The following CTBP2 variants were observed in gnomAD, a reference collection of about 807,000 sequenced individuals.
CTBP2 encodes the protein C-terminal-binding protein 2.
Under a neutral mutation model 80.3 loss-of-function variants are expected in CTBP2, and 30 were observed. That is an observed-to-expected ratio of 0.37 (90% CI 0.28 to 0.51). The LOEUF is 0.51. Among genes scored for constraint, CTBP2 ranks in the 20% least tolerant of loss-of-function variants. CTBP2 has a pLI of 0.93. For missense variants in CTBP2, 1,212 were observed against 1,375.3 expected (o/e 0.88, Z 1.88); for synonymous variants, 594 against 587.4 (o/e 1.01, Z -0.16).
At chr10:125,152,172 G>C (rs1487118787) in intron 1 of CTBP2, among the ~76,000 whole-genome samples, 1 of 152,092 alleles carries the variant, frequency 6.6e-6, no homozygotes, top group Non-Finnish European at 1.5e-5. Flanking sequence ...GCCGGGAGGA[G>C]AGGGGCGAAC....
At chr10:125,029,584 G>A (rs962916249), upstream of CTBP2, among the ~76,000 whole-genome samples, 2 of 152,118 alleles carry the variant, frequency 1.3e-5, no homozygotes, top group African/African-American at 4.8e-5. Flanking sequence ...AAGCCACCTT[G>A]CCAATTTCTT....
chr10:125,057,962 CG>C (rs61652925), intron 2 of CTBP2, among the ~76,000 whole-genome samples: 6,414 of 152,238 alleles, frequency 0.042, 236 homozygotes, highest in African/African-American at 0.099. Flanking sequence ...GGCTCAGGGC[CG>C]TGGCAGGAAT....
At chr10:125,006,565 G>A (rs1955268194) in intron 1 of CTBP2, among the ~76,000 whole-genome samples, 1 of 152,244 alleles carries the variant, frequency 6.6e-6, no homozygotes, top group Non-Finnish European at 1.5e-5. Flanking sequence ...GGAGCCTGGG[G>A]CAGAGGTTTC....
intron 1 of CTBP2, among the ~76,000 whole-genome samples, chr10:125,133,846 G>A (rs1417191333): frequency 6.6e-6 from 1 of 152,188 alleles, no homozygotes; most frequent in Non-Finnish European, 1.5e-5. Context: ...TTAGGGACAG[G>A]GAAGTGCCTC....
At chr10:125,130,331 G>A (rs1855959557) in intron 1 of CTBP2, among the ~76,000 whole-genome samples, 1 of 152,122 alleles carries the variant, frequency 6.6e-6, no homozygotes. Context: ...TTACAGGTGT[G>A]AGCCACCATG....
intron 2 of CTBP2, among the ~76,000 whole-genome samples, chr10:125,055,766 G>C (rs773819715): frequency 1.3e-5 from 2 of 152,364 alleles, no homozygotes; most frequent in African/African-American, 2.4e-5. Flanking sequence ...GAGGCAGGTA[G>C]ACACATACCC....
rs200605790 is a variant in CTBP2 at position 125,002,943 on chromosome 10, C to T, written c.1978+17G>A. 7.0e-5 allele frequency: 113 copies of T among 1,611,216 alleles called. No individual in the cohort carries two copies. The African/African-American group carries it at 9.1e-4, about 13-fold the overall frequency. On this transcript the variant is annotated intron_variant, in intron 3 of 8. Transcript: ENST00000309035. ...GCTCCGGACAACTCCAGGCAGCCAG[C>T]GCTGCCTCGCACTCACCGAGCTCGC...
At chr10:125,100,419 C>T (rs1465680663) in intron 2 of CTBP2, among the ~76,000 whole-genome samples, 2 of 152,156 alleles carry the variant, frequency 1.3e-5, no homozygotes, top group Non-Finnish European at 2.9e-5. Context: ...CCGCTCATTT[C>T]CTAGGTAAGA....
intron 2 of CTBP2, among the ~76,000 whole-genome samples, chr10:125,104,324 GT>G (rs1188185489): frequency 6.6e-6 from 1 of 152,148 alleles, no homozygotes; most frequent in Non-Finnish European, 1.5e-5. Context: ...CCACGGCTGT[GT>G]TTTTTCATCC....
chr10:125,086,127 C>T (rs1399521439), intron 2 of CTBP2, among the ~76,000 whole-genome samples: 2 of 152,166 alleles, frequency 1.3e-5, no homozygotes, highest in Admixed American at 6.5e-5. Context: ...CCTGCAAATT[C>T]CTATGCTGAA....
intron 1 of CTBP2, among the ~76,000 whole-genome samples, chr10:125,140,303 AC>A (rs1187275044): frequency 3.9e-5 from 6 of 152,026 alleles, no homozygotes; most frequent in Non-Finnish European, 7.4e-5. Flanking sequence ...ATGCACGCAT[AC>A]AAGATGCACC....
chr10:125,084,324 C>G (rs1214075195), intron 2 of CTBP2, among the ~76,000 whole-genome samples: 1 of 152,192 alleles, frequency 6.6e-6, no homozygotes, highest in Admixed American at 6.5e-5. Context: ...AGGGAAGAAG[C>G]TGCACGGAGA....
chr10:125,079,930 G>C (rs1179023275), intron 2 of CTBP2, among the ~76,000 whole-genome samples: 1 of 152,196 alleles, frequency 6.6e-6, no homozygotes, highest in Admixed American at 6.5e-5. Context: ...TTTGGATTCT[G>C]AATGTTTTCT....
chr10:125,158,822 G>C (rs985223269), intron 1 of CTBP2: 1 of 151,900 alleles, frequency 6.6e-6, no homozygotes, highest in Admixed American at 6.6e-5. Flanking sequence ...GGGGGGAGGG[G>C]GGACAACCAC....
At chr10:125,010,961 T>G (rs1456449212) in intron 1 of CTBP2, among the ~76,000 whole-genome samples, 5 of 152,232 alleles carry the variant, frequency 3.3e-5, no homozygotes. Context: ...CGCCAGGATC[T>G]TAATCTTCCA....
chr10:125,067,124 G>T (rs972456013), intron 2 of CTBP2, among the ~76,000 whole-genome samples: 3 of 152,100 alleles, frequency 2.0e-5, no homozygotes, highest in African/African-American at 4.8e-5. Flanking sequence ...TTTATTTAGA[G>T]ATTACACAAA....
At chr10:125,065,951 A>G (rs2938008) in intron 2 of CTBP2, among the ~76,000 whole-genome samples, 9 of 151,840 alleles carry the variant, frequency 5.9e-5, no homozygotes, top group African/African-American at 2.2e-4. Flanking sequence ...AAATACAAAA[A>G]TTAGCCTGGC....
At chr10:124,991,390 T>A (rs1473139688) in intron 8 of CTBP2, among the ~76,000 whole-genome samples, 1 of 151,948 alleles carries the variant, frequency 6.6e-6, no homozygotes, top group Non-Finnish European at 1.5e-5. Flanking sequence ...TAAATAACAA[T>A]GGAGACATGG....
At chr10:125,135,244 C>T (rs1856811001) in intron 1 of CTBP2, among the ~76,000 whole-genome samples, 1 of 152,114 alleles carries the variant, frequency 6.6e-6, no homozygotes, top group African/African-American at 2.4e-5. Context: ...TCCAGGTGTC[C>T]TTTGTTCCCT....
Sources: allele counts gnomAD v4.1 joint callset (sites outside exome capture counted in the v4.1 genomes callset), GRCh38; gene constraint gnomAD v4.1.1; transcripts MANE v1.5; gene names NCBI Gene and HGNC (gene_info 2026-07-23, HGNC 2026-07-21).